Variants in ANXA8 observed in about 807,000 individuals in gnomAD.
The protein encoded by ANXA8 is VAC-beta.
A neutral mutation model predicts 26.8 loss-of-function variants in ANXA8; 9 were observed. The ratio of observed to expected loss-of-function variants is 0.34; its 90% CI spans 0.20 to 0.59. The LOEUF (loss-of-function observed/expected upper bound fraction) is 0.59. ANXA8 is among the 20% of genes least tolerant of loss of function. The pLI, the probability that ANXA8 is intolerant of heterozygous loss-of-function variation, is 0.84. For missense variants in ANXA8, 83 were observed against 238.5 expected (o/e 0.35, Z 4.29); for synonymous variants, 39 against 94.8 (o/e 0.41, Z 3.42).
At chr10:47,660,062 T>A in the ANXA8 span, among the ~76,000 whole-genome samples, 1 of 147,520 alleles carries the variant, frequency 6.8e-6, no homozygotes. Context: ...GCCTGAATCC[T>A]GGCTTTTGAA....
chr10:47,497,413 G>C, the ANXA8 span, among the ~76,000 whole-genome samples: 1 of 140,108 alleles, frequency 7.1e-6, no homozygotes, highest in African/African-American at 2.7e-5. Flanking sequence ...GTCAGGAGTT[G>C]GAGACCAGCC....
upstream of ANXA8, among the ~76,000 whole-genome samples, chr10:47,485,180 C>T (rs1840011949): frequency 6.6e-6 from 1 of 152,118 alleles, no homozygotes; most frequent in African/African-American, 2.4e-5. Flanking sequence ...CAGAGCAAAA[C>T]TTTTCATCCA....
At chr10:47,620,540 T>G in the ANXA8 span, among the ~76,000 whole-genome samples, 3 of 89,434 alleles carry the variant, frequency 3.4e-5, no homozygotes, top group Admixed American at 3.6e-4. Flanking sequence ...CAGAGTGGAG[T>G]TGTATATGTG....
chr10:47,513,189 C>A, the ANXA8 span, among the ~76,000 whole-genome samples: 1 of 149,604 alleles, frequency 6.7e-6, no homozygotes, highest in Non-Finnish European at 1.5e-5. Flanking sequence ...TGAGCGCCAC[C>A]ACGCCCGGCT....
the ANXA8 span, among the ~76,000 whole-genome samples, chr10:47,591,656 C>T: frequency 7.1e-6 from 1 of 141,754 alleles, no homozygotes; most frequent in Non-Finnish European, 1.5e-5. Context: ...CTGTGTTAGC[C>T]AGGATGATCT....
the ANXA8 span, among the ~76,000 whole-genome samples, chr10:47,673,546 C>T: frequency 4.0e-5 from 6 of 149,664 alleles, no homozygotes; most frequent in Admixed American, 1.3e-4. Flanking sequence ...CAGGGCTGCA[C>T]GAGGGCACCT....
the ANXA8 span, among the ~76,000 whole-genome samples, chr10:47,777,740 C>T: frequency 2.8e-4 from 43 of 152,196 alleles, no homozygotes; most frequent in African/African-American, 9.6e-4. Flanking sequence ...TTCCATGGCA[C>T]AACTAAAGGG....
the ANXA8 span, among the ~76,000 whole-genome samples, chr10:47,969,742 G>A: frequency 6.7e-6 from 1 of 150,004 alleles, no homozygotes; most frequent in Non-Finnish European, 1.5e-5. Flanking sequence ...AAGAGATGGG[G>A]TCTCGCTTTG....
the ANXA8 span, among the ~76,000 whole-genome samples, chr10:47,941,867 G>A: frequency 6.8e-6 from 1 of 147,556 alleles, no homozygotes; most frequent in Non-Finnish European, 1.5e-5. Context: ...GAGCTGACAG[G>A]GGAGTCTATA....
At chr10:47,894,685 C>T in the ANXA8 span, among the ~76,000 whole-genome samples, 5 of 152,212 alleles carry the variant, frequency 3.3e-5, no homozygotes, top group African/African-American at 1.2e-4. Context: ...ACACACATCA[C>T]ATACAGACAC....
chr10:47,595,232 C>A, the ANXA8 span, among the ~76,000 whole-genome samples: 2,730 of 148,218 alleles, frequency 0.018, 297 homozygotes, highest in African/African-American at 0.067. Flanking sequence ...GAATTTATCA[C>A]CACTAGACTA....
chr10:47,668,689 G>A, the ANXA8 span, among the ~76,000 whole-genome samples: 69 of 150,844 alleles, frequency 4.6e-4, no homozygotes, highest in Middle Eastern at 3.4e-3. Flanking sequence ...ACAGTTGTCC[G>A]TGTTTCCTCC....
the ANXA8 span, among the ~76,000 whole-genome samples, chr10:47,534,674 G>A: frequency 1.9e-5 from 2 of 104,158 alleles, 1 homozygote; most frequent in Non-Finnish European, 3.8e-5. Flanking sequence ...TTTTTTTTGA[G>A]ACGGAGTTTT....
the ANXA8 span, among the ~76,000 whole-genome samples, chr10:47,493,733 C>T: frequency 8.7e-4 from 130 of 148,982 alleles, no homozygotes; most frequent in African/African-American, 3.0e-3. Flanking sequence ...AACTGCCCTT[C>T]CCCCCACCCC....
At chr10:47,641,325 AG>A in the ANXA8 span, among the ~76,000 whole-genome samples, 1 of 111,312 alleles carries the variant, frequency 9.0e-6, no homozygotes, top group East Asian at 2.9e-4. Flanking sequence ...CAACACCATC[AG>A]AAGTAGGTCT....
At chr10:47,733,279 CTTTCTTTCTTTCTTTCTTTT>C in the ANXA8 span, among the ~76,000 whole-genome samples, 3 of 89,684 alleles carry the variant, frequency 3.3e-5, no homozygotes, top group African/African-American at 1.5e-4. Flanking sequence ...TTCTTTCTTT[CTTTCTTTCTTTCTTTCTTTT>C]TTTTCTTTCT....
intron 6 of ANXA8, 68 bp from the exon 7 acceptor site, chr10:47,475,072 T>G (rs1839473814): frequency 6.6e-7 from 1 of 1,522,508 alleles, no homozygotes; most frequent in African/African-American, 1.4e-5. Flanking sequence ...ACAGGGGGGA[T>G]CCTGGGCTTG....
At chr10:47,554,110 A>AAAAAAAAAT in the ANXA8 span, among the ~76,000 whole-genome samples, 6 of 129,906 alleles carry the variant, frequency 4.6e-5, no homozygotes, top group African/African-American at 1.8e-4. Context: ...CATCTCTCAA[A>AAAAAAAAAT]AAATAAATAA....
the ANXA8 span, among the ~76,000 whole-genome samples, chr10:47,958,954 G>A: frequency 6.7e-6 from 1 of 150,282 alleles, no homozygotes; most frequent in Admixed American, 6.6e-5. Context: ...AATTCAAGAT[G>A]AGGTTTTGGG....
Sources: allele counts gnomAD v4.1 joint callset (sites outside exome capture counted in the v4.1 genomes callset), GRCh38; gene constraint gnomAD v4.1.1; transcripts MANE v1.5; gene names NCBI Gene and HGNC (gene_info 2026-07-23, HGNC 2026-07-21).